Variants in PIP5K1A observed in about 807,000 individuals in gnomAD.
The protein encoded by PIP5K1A is phosphatidylinositol-4-phosphate 5-kinase type 1 alpha.
PIP5K1A carries 46 observed loss-of-function variants against 72.9 expected under a neutral mutation model. That is an observed-to-expected ratio of 0.63 (90% CI 0.50 to 0.81). The LOEUF is 0.81. Ranked by LOEUF, PIP5K1A falls within the 30% of genes least tolerant of loss-of-function variation. The probability of loss-of-function intolerance (pLI) is 0.00; values close to 1 mark genes in which losing one functional copy is unlikely to be tolerated. For synonymous variants in PIP5K1A, 228 were observed against 255.1 expected (o/e 0.89, Z 1.01); for missense variants, 458 against 706.1 (o/e 0.65, Z 3.98).
At chr1:151,230,588 C>T (rs1427292765) in intron 4 of PIP5K1A, among the ~76,000 whole-genome samples, 1 of 152,168 alleles carries the variant, frequency 6.6e-6, no homozygotes, top group Non-Finnish European at 1.5e-5. Flanking sequence ...GTTACCCAGG[C>T]TGGAATGCAG....
intron 15 of PIP5K1A, 41 bp from the exon 16 acceptor site, chr1:151,247,822 C>G (rs1692731522): frequency 1.3e-6 from 2 of 1,556,636 alleles, no homozygotes; most frequent in Non-Finnish European, 1.8e-6. Context: ...TCTGCTTAAT[C>G]TCATACTCCA....
Position 151,199,040 on chromosome 1 carries a change from C to G in PIP5K1A, c.44C>G (p.Ser15Ter), listed in dbSNP as rs1280371198. Reference protein sequence around the residue: ...SSGPSSSVGFSSFDPAVPSCT... With the variant: ...SSGPSSSVGF Reference sequence around the variant, plus strand: ...GGGCCGTCGTCTTCGGTCGGTTTTTCATCCTTTGATCCCGCGGTCCCTTCC... The same window carrying G: ...GGGCCGTCGTCTTCGGTCGGTTTTTGATCCTTTGATCCCGCGGTCCCTTCC... Residue 15 changes from serine (S) to a stop codon, truncating the protein, a stop_gained, in exon 1 of 16, where the codon TCA (serine) becomes TGA (stop). Transcript: ENST00000368888. LOFTEE classifies it high-confidence loss of function. 5.0e-6 allele frequency: 8 copies of G among 1,614,068 alleles called. No homozygotes were observed. Among genetic ancestry groups the G allele is most frequent in the Non-Finnish European group, 5.9e-6 (7 of 1,180,046 alleles).
intron 1 of PIP5K1A, among the ~76,000 whole-genome samples, chr1:151,214,766 G>A (rs1687335722): frequency 6.6e-6 from 1 of 152,094 alleles, no homozygotes; most frequent in Non-Finnish European, 1.5e-5. Flanking sequence ...GCCCAGGTTG[G>A]AGCGCAATGG....
At chr1:151,211,127 T>C (rs1368868939) in intron 1 of PIP5K1A, among the ~76,000 whole-genome samples, 2 of 152,194 alleles carry the variant, frequency 1.3e-5, no homozygotes, top group African/African-American at 2.4e-5. Context: ...GCTCTGAAAG[T>C]GCAGGGAGAG....
rs145857357 is a variant in PIP5K1A, at chr1:151,203,657, C to T, written c.85+4576C>T. Among the ~76,000 whole-genome samples the T allele has an allele frequency of 5.2e-3, 794 of 151,944 alleles. 22 individuals carry two copies. The highest frequency in any genetic ancestry group is 0.046 in the Admixed American group (705 of 15,196). ...TAACCAACGTGGTGAAACCCCGTCT[C>T]TACTAAAAATACAAAAATTAGCTAG... On this transcript the variant is annotated intron_variant, in intron 1 of 15. Transcript: ENST00000368888.
At chr1:151,224,215 C>T (rs779692248) in intron 1 of PIP5K1A, 30 bp from the exon 2 acceptor site, 14 of 1,602,524 alleles carry the variant, frequency 8.7e-6, no homozygotes, top group Admixed American at 5.0e-5. Context: ...GTGTGATACA[C>T]TCTTATGATT....
chr1:151,225,099 C>A (rs925550526), intron 3 of PIP5K1A, among the ~76,000 whole-genome samples: 1 of 152,148 alleles, frequency 6.6e-6, no homozygotes. Flanking sequence ...CTTTGGGAGG[C>A]CAAGGTGAGA....
intron 1 of PIP5K1A, among the ~76,000 whole-genome samples, chr1:151,208,517 C>T (rs1033755046): frequency 9.2e-5 from 14 of 151,604 alleles, no homozygotes; most frequent in Non-Finnish European, 1.3e-4. Context: ...CACACCACCA[C>T]GCCCAGCTAA....
chr1:151,245,979 G>A (rs1020543694), intron 14 of PIP5K1A, among the ~76,000 whole-genome samples: 1 of 152,162 alleles, frequency 6.6e-6, no homozygotes, highest in Non-Finnish European at 1.5e-5. Flanking sequence ...GGGTGTGGTG[G>A]CTCACACCTA....
chr1:151,203,818 G>C (rs377369055), intron 1 of PIP5K1A, among the ~76,000 whole-genome samples: 1 of 146,210 alleles, frequency 6.8e-6, no homozygotes, highest in Admixed American at 6.9e-5. Context: ...GTGAGACTCT[G>C]TCTCAAAAAA....
At chr1:151,230,962 C>G (rs1689957261) in intron 4 of PIP5K1A, among the ~76,000 whole-genome samples, 1 of 152,190 alleles carries the variant, frequency 6.6e-6, no homozygotes, top group Non-Finnish European at 1.5e-5. Context: ...GTGGCTCATG[C>G]CCGTAATCCC....
In PIP5K1A at chr1:151,247,893, A is replaced by G; in HGVS notation, c.*28A>G. 1 of 1,602,116 alleles carries G rather than the reference A, an allele frequency of 6.2e-7. No homozygotes were observed. On this transcript the variant is annotated 3_prime_UTR_variant, in exon 16 of 16. Transcript: ENST00000368888. Reference sequence around the variant, plus strand: ...GCAAAGCCTCAGAAGACCTGGAACAAGATTCTGCCATCTCTGTGATCCCAA... The same window carrying G: ...GCAAAGCCTCAGAAGACCTGGAACAGGATTCTGCCATCTCTGTGATCCCAA...
rs1485497603 is a variant in PIP5K1A, at chr1:151,206,500, G to A, written c.85+7419G>A. Among the ~76,000 whole-genome samples, 3 of 151,938 alleles carry A rather than the reference G, an allele frequency of 2.0e-5. No homozygotes were observed. In the East Asian group the frequency reaches 5.8e-4, roughly 29 times the overall value. On this transcript the variant is annotated intron_variant, in intron 1 of 15. Coordinates refer to ENST00000368888, the MANE Select transcript of PIP5K1A (RefSeq NM_001135638.2). ...GTTGGCGAGAGGGAATGAGAAGAGG[G>A]TTTTTTGTTCTTGTTTGTTTGTTTT...
intron 1 of PIP5K1A, chr1:151,224,041 T>C: frequency 1.7e-6 from 1 of 576,420 alleles, no homozygotes; most frequent in South Asian, 2.4e-5. Context: ...AGAATAAAAA[T>C]GGAATATGCA....
chr1:151,198,161 G>A, upstream of PIP5K1A: 1 of 462,260 alleles, frequency 2.2e-6, no homozygotes, highest in Non-Finnish European at 4.5e-6. Context: ...AACAAGAGTA[G>A]TAAAACAGGA....
At chr1:151,229,849 C>A (rs922947337) in intron 4 of PIP5K1A, among the ~76,000 whole-genome samples, 1 of 151,384 alleles carries the variant, frequency 6.6e-6, no homozygotes, top group South Asian at 2.1e-4. Flanking sequence ...TTTGGGAGGC[C>A]GAGGCAGGTG....
intron 1 of PIP5K1A, among the ~76,000 whole-genome samples, chr1:151,215,278 TCCTC>T (rs1687426805): frequency 6.6e-6 from 1 of 151,850 alleles, no homozygotes; most frequent in Non-Finnish European, 1.5e-5. Flanking sequence ...CCTCAGGTGA[TCCTC>T]CCGCCTTGGC....
At chr1:151,220,505 T>G (rs1688267647) in intron 1 of PIP5K1A, among the ~76,000 whole-genome samples, 1 of 152,074 alleles carries the variant, frequency 6.6e-6, no homozygotes, top group African/African-American at 2.4e-5. Context: ...TTTCACTCTT[T>G]CGCCCAGGCA....
At chr1:151,231,071 G>T (rs150782282) in intron 4 of PIP5K1A, among the ~76,000 whole-genome samples, 1 of 152,070 alleles carries the variant, frequency 6.6e-6, no homozygotes, top group South Asian at 2.1e-4. Flanking sequence ...GCAAGGTGTC[G>T]TGGTGCATGC....
Sources: gnomAD v4.1 joint callset for allele counts (sites outside exome capture counted in the v4.1 genomes callset) on GRCh38, gnomAD v4.1.1 for gene constraint, MANE v1.5 for transcripts, NCBI Gene and HGNC (gene_info 2026-07-23, HGNC 2026-07-21) for gene names.